The following TRAK1 variants were observed in gnomAD, a reference collection of about 807,000 sequenced individuals.
TRAK1 encodes trafficking kinesin-binding protein 1.
A neutral mutation model predicts 92.1 loss-of-function variants in TRAK1; 33 were observed. That is an observed-to-expected ratio of 0.36 (90% CI 0.27 to 0.48). The LOEUF (loss-of-function observed/expected upper bound fraction) is 0.48, where lower values mean the gene tolerates loss of function less well. TRAK1 is among the 20% of genes least tolerant of loss of function. The pLI is 0.99. For missense variants in TRAK1, 1,123 were observed against 1,257.9 expected (o/e 0.89, Z 1.62); for synonymous variants, 521 against 517.3 (o/e 1.01, Z -0.10).
intron 14 of TRAK1, among the ~76,000 whole-genome samples, chr3:42,214,127 T>C (rs1287396852): frequency 1.3e-5 from 2 of 152,206 alleles, no homozygotes; most frequent in Non-Finnish European, 2.9e-5. Flanking sequence ...ATTTTCTCTC[T>C]GGTATCCTCA....
intron 3 of TRAK1, among the ~76,000 whole-genome samples, chr3:42,183,934 T>C (rs886672662): frequency 6.6e-6 from 1 of 152,206 alleles, no homozygotes; most frequent in Non-Finnish European, 1.5e-5. Flanking sequence ...CAAATTTTCC[T>C]CTGTATACTG....
At chr3:42,124,286 G>A (rs559518485) in intron 1 of TRAK1, among the ~76,000 whole-genome samples, 17 of 152,292 alleles carry the variant, frequency 1.1e-4, no homozygotes, top group African/African-American at 3.9e-4. Flanking sequence ...TTATTTATGG[G>A]TTGACAAAAC....
intron 1 of TRAK1, among the ~76,000 whole-genome samples, chr3:42,029,909 C>T (rs547288211): frequency 3.3e-5 from 5 of 151,830 alleles, no homozygotes; most frequent in East Asian, 1.9e-4. Context: ...AGGGGAGGCA[C>T]GATTGGAAGT....
chr3:42,051,062 T>A (rs966913115), intron 1 of TRAK1: 1 of 152,226 alleles, frequency 6.6e-6, no homozygotes, highest in Non-Finnish European at 1.5e-5. Context: ...AGCAGTTGGG[T>A]CTCGCCATGT....
At position 42,138,667 on chromosome 3, in the gene TRAK1, G is replaced by C. The variant is rs151016040; in HGVS notation, c.286+13053G>C. On this transcript the variant is annotated intron_variant, in intron 2 of 15. Transcript: ENST00000327628. ...TCCCGGGGGCTGAGGCAGGAGGATT[G>C]CCTGAATCCAGGAGTTCGAGACCAG... 4.6e-5 allele frequency among the ~76,000 whole-genome samples: 7 copies of C among 150,694 alleles called. No individual in the cohort carries two copies. The East Asian group carries it at 1.4e-3, about 29-fold the overall frequency.
chr3:42,116,891 T>C (rs1191337807), intron 1 of TRAK1, among the ~76,000 whole-genome samples: 1 of 152,188 alleles, frequency 6.6e-6, no homozygotes, highest in Non-Finnish European at 1.5e-5. Context: ...TTGTTCTTTG[T>C]CACCTTTAAT....
At chr3:42,120,850 C>T (rs999079496) in intron 1 of TRAK1, among the ~76,000 whole-genome samples, 2 of 152,074 alleles carry the variant, frequency 1.3e-5, no homozygotes, top group African/African-American at 2.4e-5. Context: ...CCGGCTACTG[C>T]TTCCTGTGCT....
chr3:42,070,238 GAAT>G (rs35822803), intron 1 of TRAK1, among the ~76,000 whole-genome samples: 18 of 144,580 alleles, frequency 1.2e-4, no homozygotes, highest in Non-Finnish European at 1.8e-4. Context: ...TAATAATTAT[GAAT>G]AATAATAATT....
At chr3:42,167,881 A>C (rs751601595) in intron 2 of TRAK1, among the ~76,000 whole-genome samples, 1 of 152,220 alleles carries the variant, frequency 6.6e-6, no homozygotes, top group African/African-American at 2.4e-5. Context: ...ACTCCATCTC[A>C]AAAACAACAG....
At chr3:42,054,904 ATTTTTTTTTTTTTT>A (rs1157067369) in intron 1 of TRAK1, among the ~76,000 whole-genome samples, 20 of 37,104 alleles carry the variant, frequency 5.4e-4, no homozygotes, top group Admixed American at 8.3e-4. Context: ...AGCAAACTAG[ATTTTTTTTTTTTTT>A]TTTTTTTTTT....
rs753871534 is a variant in TRAK1 at position 42,191,423 on chromosome 3, C to T, written c.691-135C>T. On this transcript the variant is annotated intron_variant, in intron 6 of 15. Coordinates refer to ENST00000327628, the MANE Select transcript of TRAK1 (RefSeq NM_001042646.3). ...GATGGACTTTCTGTATTTGAGGGTA[C>T]GATGGGTGACAGGTGGGGGAATGCT... 7.8e-6 allele frequency: 5 copies of T among 642,780 alleles called. No individual in the cohort carries two copies. The Admixed American group carries it at 9.3e-5, about 12-fold the overall frequency. The allele number at this position is 642,780 out of a possible 1,614,324, so 39.8% of individuals were successfully genotyped here. A position where few individuals can be genotyped will look rare whatever the true frequency, so the allele number is the denominator to read the frequency against.
intron 1 of TRAK1, among the ~76,000 whole-genome samples, chr3:42,066,506 G>A (rs1269997678): frequency 6.8e-6 from 1 of 146,718 alleles, no homozygotes; most frequent in Admixed American, 6.8e-5. Flanking sequence ...AAGCAGCAAG[G>A]TCATGAGCCG....
At chr3:42,041,776 A>G (rs1466602286) in intron 1 of TRAK1, among the ~76,000 whole-genome samples, 2 of 141,932 alleles carry the variant, frequency 1.4e-5, no homozygotes, top group Non-Finnish European at 3.1e-5. Context: ...GTTCCCTTCT[A>G]TTTCTATTGT....
At chr3:42,036,460 G>C (rs558639923) in intron 1 of TRAK1, among the ~76,000 whole-genome samples, 2 of 152,252 alleles carry the variant, frequency 1.3e-5, no homozygotes, top group East Asian at 3.9e-4. Context: ...TCTCTGCCAG[G>C]GTAGATAGAT....
intron 1 of TRAK1, among the ~76,000 whole-genome samples, chr3:42,116,539 C>T (rs754997842): frequency 6.6e-6 from 1 of 152,188 alleles, no homozygotes; most frequent in Non-Finnish European, 1.5e-5. Context: ...CCCTTTAATC[C>T]TTATAATTTT....
At chr3:42,211,574 T>C in intron 14 of TRAK1, 1 of 985,434 alleles carries the variant, frequency 1.0e-6, no homozygotes, top group Non-Finnish European at 1.2e-6. Context: ...GTAGGCCTTA[T>C]GTTGATTGGG....
chr3:42,158,304 A>G (rs1378189318), intron 2 of TRAK1, among the ~76,000 whole-genome samples: 1 of 151,936 alleles, frequency 6.6e-6, no homozygotes, highest in African/African-American at 2.4e-5. Context: ...ACAATATCCT[A>G]CTCATCTTAT....
At chr3:42,066,316 ACT>A (rs1284119532) in intron 1 of TRAK1, among the ~76,000 whole-genome samples, 4 of 152,194 alleles carry the variant, frequency 2.6e-5, no homozygotes, top group South Asian at 4.2e-4. Context: ...ATAGAGTGAG[ACT>A]CTGTCTCAAA....
At chr3:42,080,883 C>A (rs1704399947) in intron 1 of TRAK1, among the ~76,000 whole-genome samples, 1 of 151,246 alleles carries the variant, frequency 6.6e-6, no homozygotes, top group African/African-American at 2.4e-5. Flanking sequence ...TTAAACTACT[C>A]TTTTTTTTTG....
Sources: gnomAD v4.1 joint callset for allele counts (sites outside exome capture counted in the v4.1 genomes callset) on GRCh38, gnomAD v4.1.1 for gene constraint, MANE v1.5 for transcripts, NCBI Gene and HGNC (gene_info 2026-07-23, HGNC 2026-07-21) for gene names.